The following CNTN5 variants were observed in gnomAD, a reference collection of about 807,000 sequenced individuals.
The protein encoded by CNTN5 is contactin-5.
In CNTN5, 77 loss-of-function variants were observed where a neutral mutation model predicts 129.1. The observed-to-expected ratio is 0.60, with a 90% CI of 0.50 to 0.72. CNTN5 has a LOEUF of 0.72. CNTN5 is among the 30% of genes least tolerant of loss of function. The pLI is 0.00. For synonymous variants in CNTN5, 509 were observed against 465.6 expected (o/e 1.09, Z -1.20); for missense variants, 1,478 against 1,328.8 (o/e 1.11, Z -1.75).
intron 13 of CNTN5, among the ~76,000 whole-genome samples, chr11:100,137,902 G>A (rs1480377119): frequency 1.3e-5 from 2 of 152,252 alleles, no homozygotes; most frequent in Non-Finnish European, 1.5e-5. Context: ...GAACTGGGAA[G>A]ACAGCCAGGG....
chr11:99,150,281 A>G (rs1445122997), intron 1 of CNTN5, among the ~76,000 whole-genome samples: 1 of 152,076 alleles, frequency 6.6e-6, no homozygotes, highest in Non-Finnish European at 1.5e-5. Context: ...TCATATATTT[A>G]CATTATTTGG....
chr11:100,331,759 T>C (rs1951911735), intron 21 of CNTN5, among the ~76,000 whole-genome samples: 2 of 152,070 alleles, frequency 1.3e-5, no homozygotes, highest in African/African-American at 4.8e-5. Context: ...GAAATCAAGA[T>C]GGAAATTTAA....
At chr11:99,782,066 A>G (rs1293049735) in intron 3 of CNTN5, among the ~76,000 whole-genome samples, 2 of 151,178 alleles carry the variant, frequency 1.3e-5, no homozygotes, top group Admixed American at 1.3e-4. Context: ...ATGATTGTAT[A>G]TCTAGAAAAC....
chr11:100,171,984 G>A (rs542079870), intron 13 of CNTN5, among the ~76,000 whole-genome samples: 207 of 151,968 alleles, frequency 1.4e-3, no homozygotes, highest in African/African-American at 4.8e-3. Flanking sequence ...GTACTGTCAA[G>A]GAAAAACCAG....
intron 1 of CNTN5, among the ~76,000 whole-genome samples, chr11:99,156,713 T>C (rs1860352194): frequency 6.6e-6 from 1 of 152,036 alleles, no homozygotes; most frequent in Non-Finnish European, 1.5e-5. Flanking sequence ...CTGAGGATAA[T>C]ATATGCTTTG....
At chr11:99,716,523 A>G (rs1469111627) in intron 3 of CNTN5, among the ~76,000 whole-genome samples, 1 of 151,998 alleles carries the variant, frequency 6.6e-6, no homozygotes, top group African/African-American at 2.4e-5. Flanking sequence ...GCTCCCATGC[A>G]GTCCCATAAG....
chr11:99,900,356 C>G (rs1001016183), intron 6 of CNTN5, among the ~76,000 whole-genome samples: 2 of 151,626 alleles, frequency 1.3e-5, no homozygotes, highest in African/African-American at 4.8e-5. Context: ...TTGAGCCATC[C>G]TTGCATCTCT....
intron 3 of CNTN5, among the ~76,000 whole-genome samples, chr11:99,581,591 CTTCT>C (rs1331436990): frequency 6.6e-6 from 1 of 151,966 alleles, no homozygotes; most frequent in Non-Finnish European, 1.5e-5. Flanking sequence ...ATGTAATGGC[CTTCT>C]TTGTCTCTTT....
At chr11:100,187,453 C>T (rs1463148585) in intron 13 of CNTN5, among the ~76,000 whole-genome samples, 4 of 150,888 alleles carry the variant, frequency 2.7e-5, no homozygotes, top group African/African-American at 9.8e-5. Context: ...TTCTAAAATT[C>T]ATATGGAACC....
intron 1 of CNTN5, among the ~76,000 whole-genome samples, chr11:99,272,063 T>G (rs973981168): frequency 6.6e-6 from 1 of 151,926 alleles, no homozygotes; most frequent in African/African-American, 2.4e-5. Flanking sequence ...ACATAAAAAC[T>G]TATTCAATTC....
intron 3 of CNTN5, among the ~76,000 whole-genome samples, chr11:99,617,664 C>A (rs1244162613): frequency 6.6e-6 from 1 of 152,040 alleles, no homozygotes; most frequent in Non-Finnish European, 1.5e-5. Flanking sequence ...ATATTGAGAT[C>A]AATATATTAC....
At chr11:99,251,831 G>T (rs558961450) in intron 1 of CNTN5, among the ~76,000 whole-genome samples, 1 of 151,922 alleles carries the variant, frequency 6.6e-6, no homozygotes, top group South Asian at 2.1e-4. Context: ...CTTTATCCAT[G>T]GCTATATGGA....
At chr11:99,985,557 A>C (rs1040761337) in intron 8 of CNTN5, among the ~76,000 whole-genome samples, 1 of 152,166 alleles carries the variant, frequency 6.6e-6, no homozygotes, top group Non-Finnish European at 1.5e-5. Context: ...GAAAGAACCA[A>C]TTGGGAAAGA....
At chr11:99,271,932 G>T (rs1475192756) in intron 1 of CNTN5, among the ~76,000 whole-genome samples, 1 of 151,858 alleles carries the variant, frequency 6.6e-6, no homozygotes, top group Non-Finnish European at 1.5e-5. Context: ...CAGCCTGTTA[G>T]AAGTTACTAA....
intron 3 of CNTN5, among the ~76,000 whole-genome samples, chr11:99,779,901 G>A (rs1293309561): frequency 6.6e-6 from 1 of 151,878 alleles, no homozygotes; most frequent in Non-Finnish European, 1.5e-5. Context: ...AGGCAATTCA[G>A]ATGCCACCCT....
chr11:99,682,090 T>G (rs2134720975), intron 3 of CNTN5, among the ~76,000 whole-genome samples: 1 of 152,174 alleles, frequency 6.6e-6, no homozygotes, highest in Admixed American at 6.6e-5. Flanking sequence ...CAAGGAACAT[T>G]ATATACACAA....
At chr11:99,892,714 GT>G (rs1328653850) in intron 6 of CNTN5, among the ~76,000 whole-genome samples, 2 of 152,158 alleles carry the variant, frequency 1.3e-5, no homozygotes, top group African/African-American at 4.8e-5. Flanking sequence ...GTACCATGCT[GT>G]TTTTGTTACT....
chr11:99,284,226 C>A (rs1422951356), intron 1 of CNTN5, among the ~76,000 whole-genome samples: 1 of 151,946 alleles, frequency 6.6e-6, no homozygotes, highest in Non-Finnish European at 1.5e-5. Context: ...AATTCTAGAA[C>A]AATAGTCTCT....
intron 6 of CNTN5, among the ~76,000 whole-genome samples, chr11:99,859,186 T>G (rs1041835711): frequency 2.0e-5 from 3 of 152,210 alleles, no homozygotes; most frequent in Non-Finnish European, 2.9e-5. Flanking sequence ...GAGATTATGC[T>G]TAGTATTCTC....
Sources: gnomAD v4.1 joint callset for allele counts (sites outside exome capture counted in the v4.1 genomes callset) on GRCh38, gnomAD v4.1.1 for gene constraint, MANE v1.5 for transcripts, NCBI Gene and HGNC (gene_info 2026-07-23, HGNC 2026-07-21) for gene names.